Variants in ASXL3 observed in about 807,000 individuals in gnomAD.
ASXL3 encodes the protein ASXL transcriptional regulator 3.
A neutral mutation model predicts 170.6 loss-of-function variants in ASXL3; 34 were observed. The observed-to-expected ratio is 0.20, with a 90% confidence interval of 0.15 to 0.27. The LOEUF is 0.27. Among genes scored for constraint, ASXL3 ranks in the 10% least tolerant of loss-of-function variants. The pLI is 1.00. For synonymous variants in ASXL3, 1,002 were observed against 989.1 expected (o/e 1.01, Z -0.24); for missense variants, 2,592 against 2,695.3 (o/e 0.96, Z 0.85).
intron 5 of ASXL3, 94 bp downstream of exon 5, chr18:33,661,831 A>G: frequency 7.5e-7 from 1 of 1,332,794 alleles, no homozygotes; most frequent in Non-Finnish European, 1.0e-6. Context: ...CCTAGCAATC[A>G]GAAAGCAGAA....
chr18:33,746,743 G>T lies in ASXL3; in HGVS notation c.*148G>T, dbSNP rs1013692759. 3 of 1,308,314 alleles carry T rather than the reference G, an allele frequency of 2.3e-6. No homozygotes were observed. The highest frequency in any genetic ancestry group is 2.9e-5 in the Admixed American group (1 of 33,902). 81.0% of individuals were successfully genotyped at this position (1,308,314 alleles called of 1,614,324 possible). ...CTTTCCTCTATGGCATTATTTTCTT[G>T]CATTTCTCATAAAGGGGAGGATGCA... On this transcript the variant is annotated 3_prime_UTR_variant, in exon 12 of 12. Coordinates refer to ENST00000269197, the MANE Select transcript of ASXL3 (RefSeq NM_030632.3).
At chr18:33,602,823 G>A (rs755147545) in intron 1 of ASXL3, among the ~76,000 whole-genome samples, 1 of 126,172 alleles carries the variant, frequency 7.9e-6, no homozygotes, top group Non-Finnish European at 1.7e-5. Flanking sequence ...AATAACATAT[G>A]TTGTGTGAAG....
chr18:33,604,105 C>T (rs923154687), intron 1 of ASXL3, among the ~76,000 whole-genome samples: 1 of 151,648 alleles, frequency 6.6e-6, no homozygotes, highest in Non-Finnish European at 1.5e-5. Context: ...AATTGTTAGC[C>T]AATATAAATA....
chr18:33,742,976 T>C lies in ASXL3; in HGVS notation c.3128T>C (p.Val1043Ala). 3 of 1,613,900 alleles carry C rather than the reference T, an allele frequency of 1.9e-6. No homozygotes were observed. Among genetic ancestry groups the C allele is most frequent in the African/African-American group, 1.3e-5 (1 of 75,020 alleles). The change falls in exon 12 of 12, where the codon GTC becomes GCC. Residue 1043 changes from valine to alanine, a missense_variant. This residue lies in a region of ASXL3 where 2,246 missense variants were observed against 2,219.6 expected (regional missense o/e 1.01). Transcript: ENST00000269197. ...TCTCGAGCATCCACTAGCACATCTGTCAGTGGCGGGAGGAACACAGGAGCC... is the reference window on the plus strand; with the variant it reads ...TCTCGAGCATCCACTAGCACATCTGCCAGTGGCGGGAGGAACACAGGAGCC... ...PESRASTSTSVSGGRNTGART... is the reference protein window; with the variant it reads ...PESRASTSTSASGGRNTGART...
rs185160865 is a variant in ASXL3, at chr18:33,729,898, G to A, written c.880-2070G>A. 1.0e-3 allele frequency among the ~76,000 whole-genome samples: 155 copies of A among 152,134 alleles called. 1 individual carries two copies. Among genetic ancestry groups the A allele is most frequent in the Non-Finnish European group, 4.9e-4 (33 of 67,982 alleles). ...AGAGATGTCCCAGGGAATCCCCAGC[G>A]TTCCCAACACCCTTCTGTCCATCCC... On this transcript the variant is annotated intron_variant, in intron 8 of 11. Transcript: ENST00000269197.
Position 33,746,672 on chromosome 18 carries a change from G to A in ASXL3, c.*77G>A, listed in dbSNP as rs1185644629. On this transcript the variant is annotated 3_prime_UTR_variant, in exon 12 of 12. Coordinates refer to ENST00000269197, the MANE Select transcript of ASXL3 (RefSeq NM_030632.3). ...CATCAGCAACAACAAATAGAATAAT[G>A]CAGTGGTTTCTATCATGCTAATTTA... is the stretch of plus-strand genomic sequence containing the variant. 3 of 1,490,270 alleles carry A rather than the reference G, an allele frequency of 2.0e-6. No individual in the cohort carries two copies. The African/African-American group carries it at 4.2e-5, about 21-fold the overall frequency. The allele number at this position is 1,490,270 out of a possible 1,614,324, so 92.3% of individuals were successfully genotyped here.
intron 5 of ASXL3, among the ~76,000 whole-genome samples, chr18:33,666,290 CT>C (rs2066254908): frequency 4.6e-5 from 7 of 152,274 alleles, no homozygotes; most frequent in South Asian, 2.1e-4. Context: ...ATATCCCCCC[CT>C]GAAATGAATC....
chr18:33,681,066 G>A (rs1419006878), intron 7 of ASXL3, among the ~76,000 whole-genome samples: 1 of 151,360 alleles, frequency 6.6e-6, no homozygotes, highest in Non-Finnish European at 1.5e-5. Flanking sequence ...GCTACTTCCA[G>A]AGTTTTAATG....
chr18:33,662,751 C>T (rs2066194663), intron 5 of ASXL3, among the ~76,000 whole-genome samples: 1 of 152,218 alleles, frequency 6.6e-6, no homozygotes, highest in East Asian at 1.9e-4. Flanking sequence ...ATGACCTTTA[C>T]CAGATCCAGG....
At chr18:33,670,811 A>G (rs2066329353) in intron 6 of ASXL3, 21 bp downstream of exon 6, 13 of 1,454,942 alleles carry the variant, frequency 8.9e-6, no homozygotes, top group Non-Finnish European at 1.2e-5. Flanking sequence ...GAAATATCAT[A>G]TGCTTGGCCA....
chr18:33,667,497 C>G (rs535650649), intron 5 of ASXL3, among the ~76,000 whole-genome samples: 1 of 152,166 alleles, frequency 6.6e-6, no homozygotes, highest in African/African-American at 2.4e-5. Context: ...TCCTTTTTTC[C>G]ATCTACTCCG....
At chr18:33,695,648 A>C (rs1466805477) in intron 8 of ASXL3, among the ~76,000 whole-genome samples, 3 of 152,170 alleles carry the variant, frequency 2.0e-5, no homozygotes, top group Admixed American at 6.6e-5. Flanking sequence ...AGGCAATCTA[A>C]CTTACAGAGC....
At chr18:33,650,757 G>A (rs1016759484) in intron 4 of ASXL3, among the ~76,000 whole-genome samples, 2 of 152,114 alleles carry the variant, frequency 1.3e-5, no homozygotes, top group East Asian at 1.9e-4. Context: ...AGTTGCATTC[G>A]GGAAATTACT....
At chr18:33,673,400 G>A (rs1242326259) in intron 7 of ASXL3, among the ~76,000 whole-genome samples, 1 of 146,248 alleles carries the variant, frequency 6.8e-6, no homozygotes, top group Admixed American at 6.9e-5. Flanking sequence ...TTGAGACAGG[G>A]TTTCGCTCTT....
At chr18:33,684,326 G>T (rs377493034) in intron 8 of ASXL3, among the ~76,000 whole-genome samples, 14 of 152,074 alleles carry the variant, frequency 9.2e-5, no homozygotes, top group African/African-American at 3.4e-4. Context: ...CTTAATGCAT[G>T]TATATTTATG....
At chr18:33,719,726 A>T (rs186576115) in intron 8 of ASXL3, among the ~76,000 whole-genome samples, 3 of 152,058 alleles carry the variant, frequency 2.0e-5, no homozygotes, top group African/African-American at 7.2e-5. Flanking sequence ...CTTATAAGAA[A>T]CCCCAGAAAT....
intron 7 of ASXL3, among the ~76,000 whole-genome samples, chr18:33,678,135 C>T (rs1214220379): frequency 6.6e-6 from 1 of 151,586 alleles, no homozygotes; most frequent in Non-Finnish European, 1.5e-5. Flanking sequence ...TTGCTGTTTT[C>T]CAGGCTAGTC....
chr18:33,607,128 T>G (rs1478407363), intron 1 of ASXL3, among the ~76,000 whole-genome samples: 3 of 151,934 alleles, frequency 2.0e-5, no homozygotes, highest in Admixed American at 1.3e-4. Flanking sequence ...CCTGTATGCT[T>G]CTTTCAACAT....
chr18:33,618,533 C>T (rs975861130), intron 2 of ASXL3, among the ~76,000 whole-genome samples: 4 of 152,068 alleles, frequency 2.6e-5, no homozygotes, highest in East Asian at 1.9e-4. Flanking sequence ...ACCTACTAAG[C>T]GCCTACTCAG....
Sources: allele counts gnomAD v4.1 joint callset (sites outside exome capture counted in the v4.1 genomes callset), GRCh38; gene constraint gnomAD v4.1.1; regional missense constraint gnomAD v4.1.1; transcripts MANE v1.5; gene names NCBI Gene and HGNC (gene_info 2026-07-23, HGNC 2026-07-21).